The following CYFIP2 variants were observed in gnomAD, a reference collection of about 807,000 sequenced individuals.
The protein encoded by CYFIP2 is cytoplasmic FMR1-interacting protein 2.
In CYFIP2, 29 loss-of-function variants were observed where a neutral mutation model predicts 158.7. That is an observed-to-expected ratio of 0.18 (90% CI 0.14 to 0.25). The LOEUF (loss-of-function observed/expected upper bound fraction) is 0.25. CYFIP2 is among the 10% of genes least tolerant of loss of function. The pLI is 1.00. For missense variants in CYFIP2, 852 were observed against 1,639.5 expected, an observed-to-expected ratio of 0.52 and a Z score of 8.29; for synonymous variants, 585 against 617.6, an observed-to-expected ratio of 0.95 and a Z score of 0.78.
rs57504388 is a variant in CYFIP2 at position 157,330,316 on chromosome 5, C to A, written c.2157-426C>A. 8.0e-3 allele frequency among the ~76,000 whole-genome samples: 1,215 copies of A among 151,322 alleles called. 24 individuals carry two copies. Among genetic ancestry groups the A allele is most frequent in the African/African-American group, 0.028 (1,154 of 41,214 alleles). On this transcript the variant is annotated intron_variant, in intron 19 of 30. Transcript: ENST00000620254. ...TTTAAAGTGCCTGGGAAATAATAAA[C>A]ACTATGCAACTGTTACCTATTATCT...
chr5:157,391,753 C>A lies in CYFIP2; in HGVS notation c.3595-1080C>A, dbSNP rs149202231. On this transcript the variant is annotated intron_variant, in intron 30 of 30. Coordinates refer to ENST00000620254, the MANE Select transcript of CYFIP2 (RefSeq NM_001037333.3). ...ATGAAACATGGGTGTACAAATAACTCTACAAATTTCTGCTTTCCATTCTTT... is the reference window on the plus strand; with the variant it reads ...ATGAAACATGGGTGTACAAATAACTATACAAATTTCTGCTTTCCATTCTTT... 7.9e-5 allele frequency among the ~76,000 whole-genome samples: 12 copies of A among 152,300 alleles called. No individual in the cohort carries two copies. In the East Asian group the frequency reaches 2.3e-3, roughly 29 times the overall value.
chr5:157,300,807 C>T lies in CYFIP2; in HGVS notation c.480C>T (p.Thr160=), dbSNP rs1285471652. ...TTGTCTCTGAGGCCTACCTCCTGAC[C>T]CTTGGCAAGTTCATCAACATGTTTG... ...KDFVSEAYLL[T]LGKFINMFAV... is the part of the protein sequence containing the mutation. Residue 160 remains threonine (T), a synonymous_variant, in exon 6 of 31, where the codon ACC becomes ACT. Coordinates refer to ENST00000620254, the MANE Select transcript of CYFIP2 (RefSeq NM_001037333.3). The T allele has an allele frequency of 1.2e-6, 2 of 1,613,392 alleles. No homozygotes were observed. The highest frequency in any genetic ancestry group is 2.7e-5 in the African/African-American group (2 of 74,898).
intron 1 of CYFIP2, among the ~76,000 whole-genome samples, chr5:157,280,470 C>T (rs1319660645): frequency 1.3e-5 from 2 of 151,402 alleles, no homozygotes; most frequent in Non-Finnish European, 2.9e-5. Flanking sequence ...GTGATCCACC[C>T]GTCTCAGCCT....
chr5:157,291,382 T>C (rs1420820083), intron 3 of CYFIP2, among the ~76,000 whole-genome samples: 1 of 152,232 alleles, frequency 6.6e-6, no homozygotes, highest in African/African-American at 2.4e-5. Context: ...TCCTAACCTC[T>C]ACATTCTAGC....
chr5:157,383,430 C>T (rs2113517177), intron 28 of CYFIP2, 71 bp downstream of exon 28: 5 of 1,390,108 alleles, frequency 3.6e-6, no homozygotes, highest in Non-Finnish European at 5.0e-6. Flanking sequence ...CAAACCCCCT[C>T]ATTGTACAGG....
intron 23 of CYFIP2, chr5:157,342,889 G>C (rs553987053): frequency 3.1e-6 from 5 of 1,613,592 alleles, no homozygotes; most frequent in Non-Finnish European, 4.2e-6. Context: ...GCAGTATAGC[G>C]GGTGGGTCAC....
At chr5:157,366,582 G>A (rs1325280148) in intron 26 of CYFIP2, among the ~76,000 whole-genome samples, 1 of 152,136 alleles carries the variant, frequency 6.6e-6, no homozygotes, top group Admixed American at 6.6e-5. Flanking sequence ...GATTGTTCTG[G>A]CACCACTTCT....
chr5:157,377,131 C>T (rs1244060582), intron 26 of CYFIP2, among the ~76,000 whole-genome samples: 4 of 151,704 alleles, frequency 2.6e-5, no homozygotes, highest in South Asian at 2.1e-4. Context: ...TCCAACACCC[C>T]CTTTGCTCTC....
Position 157,311,736 on chromosome 5 carries a change from C to T in CYFIP2, c.1065C>T (p.Asp355=). Residue 355 remains aspartate, a synonymous_variant, in exon 11 of 31, where the codon GAC becomes GAT. Coordinates refer to ENST00000620254, the MANE Select transcript of CYFIP2 (RefSeq NM_001037333.3). This position sits in a 1 kb window ranked among gnomAD's most constrained non-coding sequence, Gnocchi z 4.7. ...ICEQMVQIRD[D]HIRFISELAR... is the part of the protein sequence containing the mutation. ...AGCAGATGGTTCAGATCCGGGATGA[C>T]CACATCCGCTTCATCTCCGAGCTCG... 1 of 1,608,126 alleles carries T rather than the reference C, an allele frequency of 6.2e-7. No individual in the cohort carries two copies. Among genetic ancestry groups the T allele is most frequent in the Non-Finnish European group, 8.5e-7 (1 of 1,177,344 alleles).
At chr5:157,365,972 C>G (rs112667630) in intron 26 of CYFIP2, among the ~76,000 whole-genome samples, 11 of 151,964 alleles carry the variant, frequency 7.2e-5, no homozygotes, top group African/African-American at 2.4e-4. Context: ...CATGAATATT[C>G]TTGTACATGT....
rs1308904058 is a variant in CYFIP2, at chr5:157,361,377, T to G, written c.2909-91T>G. 1 of 1,556,848 alleles carries G rather than the reference T, an allele frequency of 6.4e-7. No homozygotes were observed. Among genetic ancestry groups the G allele is most frequent in the Non-Finnish European group, 8.8e-7 (1 of 1,138,932 alleles). The stretch of plus-strand genomic sequence containing the variant: ...GGTTTGGCTTTTTGCTATCCCAGAG[T>G]CAGGTCTGGGGCTGCCACTCAGTCA... On this transcript the variant is annotated intron_variant, in intron 25 of 30. Coordinates refer to ENST00000620254, the MANE Select transcript of CYFIP2 (RefSeq NM_001037333.3). This position sits in a 1 kb window ranked among gnomAD's most constrained non-coding sequence, Gnocchi z 4.4.
intron 12 of CYFIP2, 29 bp downstream of exon 12, chr5:157,314,492 A>G: frequency 1.2e-6 from 2 of 1,603,984 alleles, no homozygotes; most frequent in South Asian, 1.1e-5. Flanking sequence ...AGGGCCTCAC[A>G]CTGACCTCTC....
At chr5:157,322,091 C>T (rs1760639068) in intron 15 of CYFIP2, among the ~76,000 whole-genome samples, 1 of 152,158 alleles carries the variant, frequency 6.6e-6, no homozygotes, top group Non-Finnish European at 1.5e-5. Context: ...GTAAATCCCG[C>T]CTCACCCCCA....
chr5:157,286,342 A>G lies in CYFIP2; in HGVS notation c.118-677A>G, dbSNP rs1757375654. ...TACCTTTTTTACCAAATATACATAT[A>G]TATGTGTGTGTGTATATATATGCAT... On this transcript the variant is annotated intron_variant, in intron 2 of 30. Coordinates refer to ENST00000620254, the MANE Select transcript of CYFIP2 (RefSeq NM_001037333.3). Among the ~76,000 whole-genome samples the G allele has an allele frequency of 2.0e-5, 3 of 150,478 alleles. No homozygotes were observed. The South Asian group carries it at 6.2e-4, about 31-fold the overall frequency.
intron 5 of CYFIP2, among the ~76,000 whole-genome samples, chr5:157,298,632 C>G (rs1758449078): frequency 6.6e-6 from 1 of 152,044 alleles, no homozygotes; most frequent in South Asian, 2.1e-4. Flanking sequence ...AGACATGAGC[C>G]ACCACACCCG....
chr5:157,285,389 GC>G lies in CYFIP2; in HGVS notation c.31del (p.Leu11CysfsTer59). The stretch of plus-strand genomic sequence containing the variant: ...GACCACGCACGTCACCCTGGAAGAT[GC>G]CCTGTCCAACGTGGACCTGCTTGAA... MTTHVTLEDALSNVDLLEEL... is the reference protein window; with the variant it reads MTTHVTLEDXLSNVDLLEEL... On this transcript the variant is annotated frameshift_variant, in exon 2 of 31. Coordinates refer to ENST00000620254, the MANE Select transcript of CYFIP2 (RefSeq NM_001037333.3). LOFTEE classifies it high-confidence loss of function. 6.3e-7 allele frequency: 1 copy of G among 1,576,820 alleles called. No homozygotes were observed. Among genetic ancestry groups the G allele is most frequent in the Non-Finnish European group, 8.6e-7 (1 of 1,161,452 alleles).
chr5:157,326,301 T>C, intron 18 of CYFIP2, 34 bp downstream of exon 18: 1 of 1,566,640 alleles, frequency 6.4e-7, no homozygotes, highest in Non-Finnish European at 8.8e-7. Flanking sequence ...GCTCCTTTAA[T>C]CTTGTTCCAA....
chr5:157,288,579 G>C (rs1054838516), intron 3 of CYFIP2: 1 of 455,898 alleles, frequency 2.2e-6, no homozygotes, highest in African/African-American at 2.0e-5. Context: ...AAATAGATAA[G>C]CTTACCATTT....
intron 1 of CYFIP2, among the ~76,000 whole-genome samples, chr5:157,273,705 T>C (rs11134661): frequency 0.77 from 116,905 of 152,026 alleles, 45,457 homozygotes; most frequent in East Asian, 0.99. Context: ...GCTCCTACTC[T>C]ACCCCCAGCT....
Sources: allele counts gnomAD v4.1 joint callset (sites outside exome capture counted in the v4.1 genomes callset), GRCh38; gene constraint gnomAD v4.1.1; non-coding constraint Gnocchi (gnomAD v3.1); transcripts MANE v1.5; gene names NCBI Gene and HGNC (gene_info 2026-07-23, HGNC 2026-07-21).